Variants in SCHIP1 observed in about 807,000 individuals in gnomAD.
The protein encoded by SCHIP1 is schwannomin interacting protein 1.
A neutral mutation model predicts 29.7 loss-of-function variants in SCHIP1; 8 were observed. The ratio of observed to expected loss-of-function variants is 0.27; its 90% confidence interval spans 0.16 to 0.49. The LOEUF (loss-of-function observed/expected upper bound fraction) is 0.49. Among genes scored for constraint, SCHIP1 ranks in the 20% least tolerant of loss-of-function variants. The pLI is 0.99. For synonymous variants in SCHIP1, 76 were observed against 94.9 expected (o/e 0.80, Z 1.16); for missense variants, 193 against 294.6 (o/e 0.66, Z 2.52).
At chr3:159,348,374 C>A in the SCHIP1 span, among the ~76,000 whole-genome samples, 29 of 152,164 alleles carry the variant, frequency 1.9e-4, no homozygotes, top group African/African-American at 6.5e-4. Flanking sequence ...TCTTACCAAA[C>A]GCAGTTTTAC....
At chr3:159,597,440 C>T in the SCHIP1 span, among the ~76,000 whole-genome samples, 13 of 152,036 alleles carry the variant, frequency 8.6e-5, no homozygotes, top group African/African-American at 3.1e-4. Flanking sequence ...TTCCCCCCAC[C>T]TCCCAGGCAT....
upstream of SCHIP1, among the ~76,000 whole-genome samples, chr3:159,838,835 A>C (rs1158552339): frequency 2.7e-5 from 4 of 150,734 alleles, no homozygotes; most frequent in South Asian, 2.1e-4. Flanking sequence ...CAGAGCTTGC[A>C]GTGAGCTCAG....
chr3:159,534,599 G>A, the SCHIP1 span, among the ~76,000 whole-genome samples: 1 of 152,030 alleles, frequency 6.6e-6, no homozygotes, highest in Admixed American at 6.6e-5. Flanking sequence ...GAAAACAGAA[G>A]GATGTGTGGG....
chr3:159,895,298 C>T (rs573689298), intron 6 of SCHIP1, among the ~76,000 whole-genome samples: 1 of 152,268 alleles, frequency 6.6e-6, no homozygotes, highest in South Asian at 2.1e-4. Context: ...TGTTGTCACT[C>T]CCCTGTTTCT....
chr3:159,694,554 A>G, the SCHIP1 span, among the ~76,000 whole-genome samples: 5 of 83,388 alleles, frequency 6.0e-5, no homozygotes, highest in African/African-American at 2.2e-4. Flanking sequence ...GAAAGAAAGA[A>G]AGAAAGAAAG....
At chr3:159,403,694 ATAAACTTGAAAGACAGTCT>A in the SCHIP1 span, among the ~76,000 whole-genome samples, 6 of 152,220 alleles carry the variant, frequency 3.9e-5, no homozygotes, top group Admixed American at 3.3e-4. Context: ...GGGGCCTTAA[ATAAACTTGAAAGACAGTCT>A]AGGTCACAAA....
At chr3:159,484,181 T>C in the SCHIP1 span, among the ~76,000 whole-genome samples, 1 of 152,214 alleles carries the variant, frequency 6.6e-6, no homozygotes, top group Non-Finnish European at 1.5e-5. Flanking sequence ...TGAACATGCA[T>C]GTTACATGGT....
At chr3:159,881,018 G>C (rs907678164) in intron 2 of SCHIP1, among the ~76,000 whole-genome samples, 7 of 152,208 alleles carry the variant, frequency 4.6e-5, no homozygotes, top group African/African-American at 1.4e-4. Flanking sequence ...GAAAGGAGCA[G>C]AGTTTGCCGG....
the SCHIP1 span, among the ~76,000 whole-genome samples, chr3:159,704,904 CTTTATTTCTTTCTTTCTTTCTTTCT>C: frequency 7.1e-5 from 5 of 70,122 alleles, no homozygotes; most frequent in African/African-American, 4.1e-4. Flanking sequence ...TTCTTTCTTT[CTTTATTTCTTTCTTTCTTTCTTTCT>C]TTCTTTCTTT....
the SCHIP1 span, among the ~76,000 whole-genome samples, chr3:159,797,420 T>C: frequency 6.6e-6 from 1 of 152,232 alleles, no homozygotes; most frequent in East Asian, 1.9e-4. Context: ...CAGTTTCTTA[T>C]TGTGAAGAAC....
At chr3:159,567,515 T>G in the SCHIP1 span, among the ~76,000 whole-genome samples, 1 of 152,152 alleles carries the variant, frequency 6.6e-6, no homozygotes, top group South Asian at 2.1e-4. Flanking sequence ...TTTTTTTCTA[T>G]TGGGTTAACC....
At chr3:159,603,663 C>T in the SCHIP1 span, among the ~76,000 whole-genome samples, 1 of 152,186 alleles carries the variant, frequency 6.6e-6, no homozygotes. Context: ...AAGGAATTTC[C>T]TGATTATTGA....
the SCHIP1 span, among the ~76,000 whole-genome samples, chr3:159,384,434 C>T: frequency 6.7e-6 from 1 of 149,286 alleles, no homozygotes; most frequent in African/African-American, 2.5e-5. Context: ...TATATTGAAC[C>T]AGCCTTGCAT....
chr3:159,490,007 C>T, the SCHIP1 span, among the ~76,000 whole-genome samples: 2 of 152,102 alleles, frequency 1.3e-5, no homozygotes, highest in Non-Finnish European at 2.9e-5. Flanking sequence ...AGGTCCTCAG[C>T]ATTTTGCTTA....
At chr3:159,357,008 T>G in the SCHIP1 span, among the ~76,000 whole-genome samples, 8 of 152,246 alleles carry the variant, frequency 5.3e-5, no homozygotes, top group Admixed American at 5.2e-4. Flanking sequence ...CAACCTAGTT[T>G]TATGTGTTCC....
chr3:159,638,691 G>T, the SCHIP1 span, among the ~76,000 whole-genome samples: 5 of 151,498 alleles, frequency 3.3e-5, no homozygotes, highest in African/African-American at 4.9e-5. Context: ...CATTGAGCCT[G>T]TCCCACTTAG....
the SCHIP1 span, among the ~76,000 whole-genome samples, chr3:159,691,234 T>C: frequency 6.6e-6 from 1 of 152,156 alleles, no homozygotes; most frequent in African/African-American, 2.4e-5. Context: ...AGTCTCTTTG[T>C]AGGTCTCTAA....
At chr3:159,487,745 G>A in the SCHIP1 span, among the ~76,000 whole-genome samples, 1 of 152,068 alleles carries the variant, frequency 6.6e-6, no homozygotes, top group Non-Finnish European at 1.5e-5. Flanking sequence ...TTGCTACAGG[G>A]GATCTTAAAG....
chr3:159,707,573 C>A, the SCHIP1 span, among the ~76,000 whole-genome samples: 3 of 152,142 alleles, frequency 2.0e-5, no homozygotes, highest in South Asian at 2.1e-4. Context: ...ACAGTCCATT[C>A]TTGGATCCTG....
Sources: allele counts gnomAD v4.1 joint callset (sites outside exome capture counted in the v4.1 genomes callset), GRCh38; gene constraint gnomAD v4.1.1; transcripts MANE v1.5; gene names NCBI Gene and HGNC (gene_info 2026-07-23, HGNC 2026-07-21).